DNM3: variants seen among roughly 807,000 people sequenced by gnomAD.
DNM3 encodes dynamin-3.
A neutral mutation model predicts 101.6 loss-of-function variants in DNM3; 47 were observed. The ratio of observed to expected loss-of-function variants is 0.46; its 90% CI spans 0.37 to 0.59. The LOEUF (loss-of-function observed/expected upper bound fraction) is 0.59, where lower values mean the gene tolerates loss of function less well. DNM3 is among the 20% of genes least tolerant of loss of function. The pLI is 0.00. For synonymous variants in DNM3, 385 were observed against 387.9 expected (o/e 0.99, Z 0.09); for missense variants, 849 against 1,085.7 (o/e 0.78, Z 3.06).
chr1:171,875,571 A>G (rs367580161), intron 1 of DNM3, among the ~76,000 whole-genome samples: 1 of 152,216 alleles, frequency 6.6e-6, no homozygotes, highest in South Asian at 2.1e-4. Flanking sequence ...GAGCATTGGA[A>G]TGAGCCTGAA....
chr1:172,296,244 C>T (rs922614497), intron 15 of DNM3, among the ~76,000 whole-genome samples: 15 of 152,302 alleles, frequency 9.8e-5, no homozygotes, highest in African/African-American at 2.9e-4. Flanking sequence ...GGAGCAGAGC[C>T]ACAGGGCAAC....
Position 172,012,350 on chromosome 1 carries a change from A to T in DNM3, c.590-20052A>T, listed in dbSNP as rs146966230. Among the ~76,000 whole-genome samples the T allele has an allele frequency of 5.2e-3, 799 of 152,206 alleles. 1 individual carries two copies. Among genetic ancestry groups the T allele is most frequent in the Non-Finnish European group, 7.2e-3 (489 of 67,954 alleles). The stretch of plus-strand genomic sequence containing the variant: ...ACCAACTCTAAAAGTGGCACATATC[A>T]CATCTCACATTCCACTAGCTAGAAT... On this transcript the variant is annotated intron_variant, in intron 4 of 20. Transcript: ENST00000627582.
chr1:172,383,421 T>A (rs542248689), intron 18 of DNM3, among the ~76,000 whole-genome samples: 18 of 152,280 alleles, frequency 1.2e-4, no homozygotes, highest in African/African-American at 3.6e-4. Flanking sequence ...GTGAGAGAAT[T>A]GTGAGATCTC....
intron 20 of DNM3, among the ~76,000 whole-genome samples, chr1:172,396,456 T>G (rs1296100862): frequency 1.3e-5 from 2 of 152,202 alleles, no homozygotes; most frequent in Non-Finnish European, 2.9e-5. Context: ...TGATATGAAA[T>G]TTAGAAATAA....
chr1:172,323,210 A>T, intron 16 of DNM3, 119 bp from the exon 17 acceptor site: 2 of 1,089,648 alleles, frequency 1.8e-6, no homozygotes, highest in South Asian at 3.3e-5. Context: ...TCTAGCAAGA[A>T]AAACCTCATT....
chr1:172,416,102 AATTATAGTCTTG>A (rs1456523924), downstream of DNM3, among the ~76,000 whole-genome samples: 1 of 152,214 alleles, frequency 6.6e-6, no homozygotes, highest in Non-Finnish European at 1.5e-5. Context: ...TATAACCTGA[AATTATAGTCTTG>A]ATTAGGTAAA....
chr1:172,200,748 C>T (rs1449127054), intron 14 of DNM3, among the ~76,000 whole-genome samples: 1 of 152,122 alleles, frequency 6.6e-6, no homozygotes, highest in Admixed American at 6.6e-5. Flanking sequence ...TTCTGTCAGA[C>T]TCATTAGATT....
chr1:172,155,276 G>A (rs1572751648), intron 14 of DNM3, among the ~76,000 whole-genome samples: 1 of 146,652 alleles, frequency 6.8e-6, no homozygotes, highest in East Asian at 2.1e-4. Context: ...TCTCAACTTG[G>A]TAGGCCTTGT....
At chr1:172,314,301 G>A (rs533069291) in intron 16 of DNM3, among the ~76,000 whole-genome samples, 35 of 152,330 alleles carry the variant, frequency 2.3e-4, no homozygotes, top group Admixed American at 5.9e-4. Flanking sequence ...AGCTCCCAGC[G>A]TGAGCAACGC....
intron 14 of DNM3, chr1:172,133,400 C>T: frequency 1.0e-6 from 1 of 987,212 alleles, no homozygotes; most frequent in Non-Finnish European, 1.2e-6. Context: ...TAACCAAGTG[C>T]CATGAATACT....
downstream of DNM3, among the ~76,000 whole-genome samples, chr1:172,417,210 A>G (rs2071460619): frequency 1.3e-5 from 2 of 152,152 alleles, no homozygotes; most frequent in Non-Finnish European, 2.9e-5. Context: ...GTCTTGAGAT[A>G]ATCTCACCAT....
At chr1:171,962,455 A>G (rs1041487832) in intron 2 of DNM3, among the ~76,000 whole-genome samples, 2 of 152,164 alleles carry the variant, frequency 1.3e-5, no homozygotes, top group Non-Finnish European at 2.9e-5. Flanking sequence ...AATGGTCACT[A>G]TCTTAGTCAA....
Position 171,989,001 on chromosome 1 carries a change from C to G in DNM3, c.442C>G (p.Gln148Glu). 6.2e-7 allele frequency: 1 copy of G among 1,607,642 alleles called. No individual in the cohort carries two copies. The highest frequency in any genetic ancestry group is 8.5e-7 in the Non-Finnish European group (1 of 1,176,754). Reference sequence around the variant, plus strand: ...AATAACTAAAGTGCCTGTGGGAGATCAGCCACCAGATATCGAGTATCAGAT... The same window carrying G: ...AATAACTAAAGTGCCTGTGGGAGATGAGCCACCAGATATCGAGTATCAGAT... Reference protein sequence around the residue: ...PGITKVPVGDQPPDIEYQIRE... With the variant: ...PGITKVPVGDEPPDIEYQIRE... Residue 148 changes from glutamine (Q) to glutamate (E), a missense_variant, in exon 4 of 21, where the codon CAG becomes GAG. By Grantham distance (29) the Gln-to-Glu change is conservative. Transcript: ENST00000627582.
intron 2 of DNM3, among the ~76,000 whole-genome samples, chr1:171,943,379 T>C (rs1404918357): frequency 6.6e-6 from 1 of 152,148 alleles, no homozygotes; most frequent in Non-Finnish European, 1.5e-5. Context: ...TCATGCCTCA[T>C]TATACCCACC....
At chr1:172,345,773 T>A (rs1447051447) in intron 17 of DNM3, among the ~76,000 whole-genome samples, 1 of 152,154 alleles carries the variant, frequency 6.6e-6, no homozygotes, top group Non-Finnish European at 1.5e-5. Flanking sequence ...GGGAGACTGA[T>A]AAGAAAATAA....
intron 17 of DNM3, chr1:172,366,405 A>C (rs146043293): frequency 6.6e-6 from 1 of 151,996 alleles, no homozygotes; most frequent in East Asian, 1.9e-4. Context: ...GATTATTAGC[A>C]AATTTATCTG....
chr1:172,317,056 A>G (rs1182866886), intron 16 of DNM3, among the ~76,000 whole-genome samples: 1 of 152,152 alleles, frequency 6.6e-6, no homozygotes, highest in Non-Finnish European at 1.5e-5. Context: ...CCACAGTGCA[A>G]TCAAACTAGA....
At chr1:172,353,872 A>G (rs945755287) in intron 17 of DNM3, among the ~76,000 whole-genome samples, 2 of 152,132 alleles carry the variant, frequency 1.3e-5, no homozygotes, top group African/African-American at 4.8e-5. Flanking sequence ...AGTGTACAGT[A>G]TTATTATCAG....
chr1:172,070,693 G>A (rs1314498488), intron 11 of DNM3, among the ~76,000 whole-genome samples: 3 of 152,018 alleles, frequency 2.0e-5, no homozygotes, highest in Non-Finnish European at 4.4e-5. Flanking sequence ...TGTAACTTGT[G>A]ACAAGTTATT....
Sources: allele counts gnomAD v4.1 joint callset (sites outside exome capture counted in the v4.1 genomes callset), GRCh38; gene constraint gnomAD v4.1.1; transcripts MANE v1.5; gene names NCBI Gene and HGNC (gene_info 2026-07-23, HGNC 2026-07-21).